PTPRO: variants seen among roughly 807,000 people sequenced by gnomAD.
The protein encoded by PTPRO is receptor-type tyrosine-protein phosphatase O.
PTPRO carries 62 observed loss-of-function variants against 145.2 expected under a neutral mutation model. The ratio of observed to expected loss-of-function variants is 0.43; its 90% CI spans 0.35 to 0.53. The LOEUF is 0.53. PTPRO is among the 20% of genes least tolerant of loss of function. The pLI is 0.01. For synonymous variants in PTPRO, 565 were observed against 514.7 expected (o/e 1.10, Z -1.32); for missense variants, 1,345 against 1,482.7 (o/e 0.91, Z 1.53).
At chr12:15,409,185 T>C (rs1939727047) in intron 1 of PTPRO, among the ~76,000 whole-genome samples, 1 of 152,190 alleles carries the variant, frequency 6.6e-6, no homozygotes, top group African/African-American at 2.4e-5. Flanking sequence ...CAACAAATAT[T>C]ATGCTGCGTC....
intron 1 of PTPRO, among the ~76,000 whole-genome samples, chr12:15,473,648 T>C (rs1404879180): frequency 6.6e-6 from 1 of 150,896 alleles, no homozygotes; most frequent in African/African-American, 2.4e-5. Context: ...GCACCTGTAA[T>C]CCCAGCTACT....
chr12:15,404,852 G>C (rs1939603205), intron 1 of PTPRO, among the ~76,000 whole-genome samples: 1 of 152,150 alleles, frequency 6.6e-6, no homozygotes, highest in African/African-American at 2.4e-5. Flanking sequence ...AAATACCATA[G>C]ACTAAGTGGC....
At chr12:15,429,403 T>C (rs1321640995) in intron 1 of PTPRO, among the ~76,000 whole-genome samples, 1 of 152,166 alleles carries the variant, frequency 6.6e-6, no homozygotes, top group Non-Finnish European at 1.5e-5. Flanking sequence ...CAGGGCAGGA[T>C]GATGATGATC....
chr12:15,581,623 A>T, intron 22 of PTPRO, 56 bp from the exon 23 acceptor site: 1 of 1,590,416 alleles, frequency 6.3e-7, no homozygotes, highest in Non-Finnish European at 8.6e-7. Context: ...AAGTGAGCAC[A>T]CTTAATTCCT....
At chr12:15,324,133 T>C (rs1370643851) in intron 1 of PTPRO, among the ~76,000 whole-genome samples, 1 of 152,222 alleles carries the variant, frequency 6.6e-6, no homozygotes, top group Non-Finnish European at 1.5e-5. Context: ...TTAGACTTAT[T>C]AGGTTGTCTA....
At chr12:15,578,787 C>A in intron 19 of PTPRO, 66 bp from the exon 20 acceptor site, 1 of 1,096,184 alleles carries the variant, frequency 9.1e-7, no homozygotes, top group South Asian at 1.3e-5. Flanking sequence ...AGCAATAAAC[C>A]AGTTGAACAA....
chr12:15,430,859 A>AAATG (rs1229626286), intron 1 of PTPRO, among the ~76,000 whole-genome samples: 11 of 152,304 alleles, frequency 7.2e-5, no homozygotes, highest in Admixed American at 7.2e-4. Flanking sequence ...AATTAAAAGT[A>AAATG]AATGAATGAA....
chr12:15,352,680 A>G (rs1591731067), intron 1 of PTPRO, among the ~76,000 whole-genome samples: 1 of 151,726 alleles, frequency 6.6e-6, no homozygotes, highest in East Asian at 1.9e-4. Flanking sequence ...AAAGAAAGAA[A>G]GAAATGGGAA....
intron 1 of PTPRO, among the ~76,000 whole-genome samples, chr12:15,416,826 C>T (rs180753505): frequency 5.9e-5 from 9 of 151,262 alleles, no homozygotes; most frequent in African/African-American, 1.7e-4. Context: ...GATCCCAGGC[C>T]TTCCCTTCAT....
intron 23 of PTPRO, among the ~76,000 whole-genome samples, chr12:15,582,159 C>A (rs1231557570): frequency 6.6e-6 from 1 of 152,232 alleles, no homozygotes; most frequent in Non-Finnish European, 1.5e-5. Flanking sequence ...TTTAAGAATG[C>A]CTTAAGCGGT....
chr12:15,451,703 C>G (rs896202730), intron 1 of PTPRO, among the ~76,000 whole-genome samples: 1 of 152,142 alleles, frequency 6.6e-6, no homozygotes, highest in Non-Finnish European at 1.5e-5. Context: ...CTTTCAAAAC[C>G]ATGCAAATAC....
At chr12:15,369,174 C>T (rs1414187419) in intron 1 of PTPRO, among the ~76,000 whole-genome samples, 2 of 152,094 alleles carry the variant, frequency 1.3e-5, no homozygotes, top group Non-Finnish European at 2.9e-5. Context: ...AAAAAAACGT[C>T]CCCAGTGGAT....
At chr12:15,479,202 C>A (rs1941725829) in intron 1 of PTPRO, among the ~76,000 whole-genome samples, 1 of 152,166 alleles carries the variant, frequency 6.6e-6, no homozygotes, top group South Asian at 2.1e-4. Context: ...CTATCATCCC[C>A]AGCCCCTTTT....
intron 12 of PTPRO, among the ~76,000 whole-genome samples, chr12:15,536,214 T>C (rs924252488): frequency 2.6e-5 from 4 of 152,104 alleles, no homozygotes; most frequent in Non-Finnish European, 4.4e-5. Context: ...AATATAAGAA[T>C]GTTAAATGGT....
At chr12:15,583,498 C>CAAAA (rs1555096004) in intron 23 of PTPRO, among the ~76,000 whole-genome samples, 13 of 150,254 alleles carry the variant, frequency 8.7e-5, no homozygotes, top group South Asian at 4.2e-4. Context: ...CACACACACA[C>CAAAA]AAAAAAAATC....
At chr12:15,595,119 G>A in intron 26 of PTPRO, 62 bp downstream of exon 26, 3 of 1,098,824 alleles carry the variant, frequency 2.7e-6, no homozygotes, top group South Asian at 2.6e-5. Context: ...GGGATGTGAT[G>A]GATGGGACAA....
At chr12:15,545,079 C>A (rs1363763978) in intron 12 of PTPRO, among the ~76,000 whole-genome samples, 3 of 152,056 alleles carry the variant, frequency 2.0e-5, no homozygotes, top group Non-Finnish European at 4.4e-5. Flanking sequence ...TGGTCCTGGG[C>A]AGAGTCACAA....
Position 15,322,867 on chromosome 12 carries a change from C to A in PTPRO, c.75+66C>A. The A allele has an allele frequency of 6.5e-7, 1 of 1,535,166 alleles. No homozygotes were observed. The highest frequency in any genetic ancestry group is 8.9e-7 in the Non-Finnish European group (1 of 1,127,486). ...CGGCAGCCGCGCTCCGGCGCCCTCG[C>A]TCTGCCGTTGGGAGCGGCGCGCCCC... On this transcript the variant is annotated intron_variant, in intron 1 of 26. Transcript: ENST00000281171. The surrounding 1 kb of genome is among the most constrained non-coding windows in gnomAD (Gnocchi z 6.3).
At chr12:15,347,610 A>G (rs993944158) in intron 1 of PTPRO, among the ~76,000 whole-genome samples, 5 of 152,230 alleles carry the variant, frequency 3.3e-5, no homozygotes, top group African/African-American at 1.2e-4. Context: ...TGGCACATAC[A>G]GACACTCAGA....
Sources: allele counts gnomAD v4.1 joint callset (sites outside exome capture counted in the v4.1 genomes callset), GRCh38; gene constraint gnomAD v4.1.1; non-coding constraint Gnocchi (gnomAD v3.1); transcripts MANE v1.5; gene names NCBI Gene and HGNC (gene_info 2026-07-23, HGNC 2026-07-21).